Variants in DOCK5 observed in about 807,000 individuals in gnomAD.
The protein encoded by DOCK5 is dedicator of cytokinesis protein 5.
A neutral mutation model predicts 251.8 loss-of-function variants in DOCK5; 142 were observed. That is an observed-to-expected ratio of 0.56 (90% confidence interval 0.49 to 0.65). The LOEUF (loss-of-function observed/expected upper bound fraction) is 0.65. Among genes scored for constraint, DOCK5 ranks in the 30% least tolerant of loss-of-function variants. DOCK5 has a pLI of 0.00. For missense variants in DOCK5, 2,111 were observed against 2,312.3 expected (o/e 0.91, Z 1.79); for synonymous variants, 842 against 835.5 (o/e 1.01, Z -0.13).
chr8:25,220,455 T>G (rs963547599), intron 1 of DOCK5, among the ~76,000 whole-genome samples: 4 of 152,272 alleles, frequency 2.6e-5, no homozygotes, highest in African/African-American at 9.6e-5. Context: ...AGGAAAAGAT[T>G]TTCTGATTTC....
intron 5 of DOCK5, among the ~76,000 whole-genome samples, chr8:25,282,008 C>T (rs1329737826): frequency 2.0e-5 from 3 of 151,992 alleles, no homozygotes; most frequent in African/African-American, 2.4e-5. Context: ...GTCTTATAGC[C>T]GCTGTTGATT....
At chr8:25,262,465 C>T (rs1333489955) in intron 2 of DOCK5, among the ~76,000 whole-genome samples, 1 of 152,142 alleles carries the variant, frequency 6.6e-6, no homozygotes, top group East Asian at 1.9e-4. Flanking sequence ...GGCAACTACT[C>T]ATGTGTTTTG....
chr8:25,201,593 T>A (rs919411752), intron 1 of DOCK5, among the ~76,000 whole-genome samples: 9 of 152,172 alleles, frequency 5.9e-5, no homozygotes, highest in African/African-American at 2.2e-4. Flanking sequence ...ATCAGAATCG[T>A]CAAGGTGGAT....
rs557807172 is a variant in DOCK5 at position 25,347,342 on chromosome 8, C to G, written c.2754+1731C>G. Among the ~76,000 whole-genome samples the G allele has an allele frequency of 1.4e-3, 218 of 152,280 alleles. 1 individual carries two copies. The highest frequency in any genetic ancestry group is 3.4e-3 in the Middle Eastern group (1 of 294). On this transcript the variant is annotated intron_variant, in intron 26 of 51. Transcript: ENST00000276440. ...CTCCACTTCCCTAAGCCCCTGTAGC[C>G]CACTTACTCTTTGCACTGCTTACTT...
At chr8:25,244,417 C>A (rs2117548098) in intron 2 of DOCK5, among the ~76,000 whole-genome samples, 1 of 152,336 alleles carries the variant, frequency 6.6e-6, no homozygotes. Context: ...AGTCTTCCTC[C>A]ATATATCCAC....
chr8:25,285,591 G>A (rs180686438), intron 5 of DOCK5, among the ~76,000 whole-genome samples: 2 of 152,310 alleles, frequency 1.3e-5, no homozygotes, highest in South Asian at 2.1e-4. Flanking sequence ...CTGGGAAGAG[G>A]GGGTAGGGGA....
intron 1 of DOCK5, among the ~76,000 whole-genome samples, chr8:25,218,847 G>A (rs1233550401): frequency 6.6e-6 from 1 of 151,974 alleles, no homozygotes; most frequent in East Asian, 1.9e-4. Context: ...TTGAAGGCTG[G>A]GTAACAGAAA....
intron 1 of DOCK5, among the ~76,000 whole-genome samples, chr8:25,190,676 G>C (rs538051124): frequency 8.4e-4 from 127 of 150,664 alleles, no homozygotes; most frequent in African/African-American, 3.0e-3. Context: ...ATCTGAGCAA[G>C]ACAGTGATAC....
chr8:25,264,096 C>G (rs1803666982), intron 2 of DOCK5, among the ~76,000 whole-genome samples: 1 of 151,936 alleles, frequency 6.6e-6, no homozygotes, highest in South Asian at 2.1e-4. Context: ...GGTGCGGTGG[C>G]TCATGCCTAT....
chr8:25,276,475 G>A (rs1313423133), intron 4 of DOCK5, among the ~76,000 whole-genome samples: 1 of 152,076 alleles, frequency 6.6e-6, no homozygotes, highest in Non-Finnish European at 1.5e-5. Flanking sequence ...AGGTGATGGT[G>A]AGTCTCTGGA....
At chr8:25,356,789 G>A (rs1275982500) in intron 27 of DOCK5, among the ~76,000 whole-genome samples, 1 of 151,476 alleles carries the variant, frequency 6.6e-6, no homozygotes, top group Non-Finnish European at 1.5e-5. Context: ...TAAAGCACTA[G>A]AATAAAATAA....
At chr8:25,253,190 C>T (rs17053238) in intron 2 of DOCK5, among the ~76,000 whole-genome samples, 2 of 152,292 alleles carry the variant, frequency 1.3e-5, no homozygotes, top group East Asian at 1.9e-4. Context: ...GTAGAGTTCA[C>T]AACTGTTTCC....
In DOCK5 at chr8:25,403,578, G is replaced by C; in HGVS notation, c.4947G>C (p.Arg1649Ser). 6.2e-7 allele frequency: 1 copy of C among 1,613,862 alleles called. No homozygotes were observed. Among genetic ancestry groups the C allele is most frequent in the East Asian group, 2.2e-5 (1 of 44,882 alleles). Residue 1649 changes from arginine to serine, a missense_variant, in exon 48 of 52, where the codon AGG becomes AGC. Arg to Ser is a moderately radical substitution (Grantham distance 110, BLOSUM62 -1). Around this residue, in one of 3 missense-constraint regions of DOCK5, gnomAD observed 1,717 missense variants for 1,892.4 expected, o/e 0.91. Coordinates refer to ENST00000276440, the MANE Select transcript of DOCK5 (RefSeq NM_024940.8). The stretch of plus-strand genomic sequence containing the variant: ...TTCAGCCACCCAACTTGACGGAGAG[G>C]AAGCAAAGCCGCACGGGGTCTATTG... ...VITLPPNLTE[R>S]KQSRTGSIVL...
intron 10 of DOCK5, among the ~76,000 whole-genome samples, chr8:25,303,062 T>G (rs543343059): frequency 3.3e-5 from 5 of 152,154 alleles, no homozygotes; most frequent in Non-Finnish European, 7.4e-5. Flanking sequence ...AGATGGTACA[T>G]TTTATGTTAT....
intron 1 of DOCK5, among the ~76,000 whole-genome samples, chr8:25,194,271 G>A (rs1801662364): frequency 6.6e-6 from 1 of 152,168 alleles, no homozygotes; most frequent in Admixed American, 6.6e-5. Flanking sequence ...TCCAGCCTGG[G>A]TAACAGAGCA....
chr8:25,213,320 T>A (rs2117481904), intron 1 of DOCK5, among the ~76,000 whole-genome samples: 1 of 145,186 alleles, frequency 6.9e-6, no homozygotes, highest in East Asian at 2.0e-4. Context: ...TATTTTTGTT[T>A]CACAGGAAAG....
intron 38 of DOCK5, among the ~76,000 whole-genome samples, chr8:25,378,934 GACCGTGATGCCC>G (rs1339148755): frequency 5.3e-5 from 8 of 152,192 alleles, no homozygotes; most frequent in Admixed American, 5.2e-4. Context: ...ATATCGGTAG[GACCGTGATGCCC>G]ACCTGAGCTG....
At chr8:25,339,319 G>A (rs897121436) in intron 22 of DOCK5, among the ~76,000 whole-genome samples, 1 of 152,124 alleles carries the variant, frequency 6.6e-6, no homozygotes, top group East Asian at 1.9e-4. Flanking sequence ...TAATCCCTTA[G>A]CCCCCTATCA....
intron 26 of DOCK5, chr8:25,351,249 G>A (rs145047757): frequency 0.015 from 2,328 of 153,034 alleles, 20 homozygotes; most frequent in South Asian, 0.03. Flanking sequence ...TAGTAGAGAC[G>A]GGGTTTCACT....
Sources: gnomAD v4.1 joint callset for allele counts (sites outside exome capture counted in the v4.1 genomes callset) on GRCh38, gnomAD v4.1.1 for gene constraint, gnomAD v4.1.1 regional missense constraint, MANE v1.5 for transcripts, NCBI Gene and HGNC (gene_info 2026-07-23, HGNC 2026-07-21) for gene names.